The following BFSP1 variants were observed in gnomAD, a reference collection of about 807,000 sequenced individuals.
BFSP1 encodes beaded filament structural protein 1, also known as filensin.
A neutral mutation model predicts 43.9 loss-of-function variants in BFSP1; 38 were observed. The observed-to-expected ratio is 0.87, with a 90% CI of 0.67 to 1.14. The LOEUF (loss-of-function observed/expected upper bound fraction) is 1.14. BFSP1 is among the 50% of genes most tolerant of loss of function. The probability of loss-of-function intolerance (pLI) is 0.00; values close to 1 mark genes in which losing one functional copy is unlikely to be tolerated. For synonymous variants in BFSP1, 352 were observed against 354.8 expected (o/e 0.99, Z 0.09); for missense variants, 850 against 875.1 (o/e 0.97, Z 0.36).
chr20:17,555,288 C>CAAAAAAA (rs929219257), intron 1 of BFSP1, among the ~76,000 whole-genome samples: 2 of 44,102 alleles, frequency 4.5e-5, no homozygotes, highest in East Asian at 6.2e-4. Flanking sequence ...TCCTATCTCA[C>CAAAAAAA]AAAAAAAAAA....
chr20:17,526,734 G>T (rs2034432901), intron 1 of BFSP1, among the ~76,000 whole-genome samples: 1 of 152,108 alleles, frequency 6.6e-6, no homozygotes, highest in Non-Finnish European at 1.5e-5. Context: ...ATTTTTTGAG[G>T]AACTGCCATA....
At chr20:17,539,390 G>A (rs958201287) in intron 1 of BFSP1, among the ~76,000 whole-genome samples, 4 of 151,840 alleles carry the variant, frequency 2.6e-5, no homozygotes, top group African/African-American at 9.7e-5. Context: ...GGGATTACAC[G>A]TGTGAGCCAC....
intron 6 of BFSP1, 121 bp from the exon 7 acceptor site, chr20:17,497,144 T>C: frequency 1.5e-6 from 1 of 674,424 alleles, no homozygotes; most frequent in South Asian, 2.4e-5. Flanking sequence ...ACGAATTAGA[T>C]ATCATTTTAA....
rs771799016 is a variant in BFSP1, at chr20:17,494,180, ATCT to A, written c.1889_1891del (p.Lys630del). ...ATATGTCTGAATGCTCTCCGTGGAAATCTTCTCGATAGATTCCACCACTTCCAC... is the reference window on the plus strand; with the variant it reads ...ATATGTCTGAATGCTCTCCGTGGAAATCTCGATAGATTCCACCACTTCCAC... On this transcript the variant is annotated inframe_deletion, in exon 8 of 8. Coordinates refer to ENST00000377873, the MANE Select transcript of BFSP1 (RefSeq NM_001195.5). 79 of 1,614,146 alleles carry A rather than the reference ATCT, an allele frequency of 4.9e-5. No individual in the cohort carries two copies. In the African/African-American group the frequency reaches 1.0e-3, roughly 21 times the overall value.
At chr20:17,500,464 C>T (rs2269037) in intron 5 of BFSP1, among the ~76,000 whole-genome samples, 31,409 of 152,162 alleles carry the variant, frequency 0.21, 3,707 homozygotes, top group Middle Eastern at 0.3. Flanking sequence ...TGGAGCCATA[C>T]GTTCACTCAC....
At chr20:17,546,891 G>A (rs1468450881) in intron 1 of BFSP1, among the ~76,000 whole-genome samples, 1 of 151,846 alleles carries the variant, frequency 6.6e-6, no homozygotes, top group Non-Finnish European at 1.5e-5. Flanking sequence ...GGGTGTGGTG[G>A]CAGGTACCTG....
intron 5 of BFSP1, among the ~76,000 whole-genome samples, chr20:17,501,375 G>A (rs2033795560): frequency 1.3e-5 from 2 of 152,138 alleles, no homozygotes; most frequent in South Asian, 2.1e-4. Context: ...GACCAGCCTG[G>A]CCAACATGGT....
At chr20:17,506,363 G>A (rs115524430) in intron 5 of BFSP1, among the ~76,000 whole-genome samples, 1,797 of 152,158 alleles carry the variant, frequency 0.012, 33 homozygotes, top group African/African-American at 0.041. Context: ...GCGATGACAC[G>A]GGTGCTGGTG....
chr20:17,498,765 C>A, intron 6 of BFSP1, 55 bp downstream of exon 6: 1 of 1,570,524 alleles, frequency 6.4e-7, no homozygotes, highest in Non-Finnish European at 8.7e-7. Context: ...AATAGGCACT[C>A]AATAAAGAGT....
intron 1 of BFSP1, among the ~76,000 whole-genome samples, chr20:17,551,588 A>C (rs1457185014): frequency 6.6e-6 from 1 of 152,184 alleles, no homozygotes; most frequent in East Asian, 1.9e-4. Context: ...TCACTTGTAC[A>C]TCTACACCAC....
intron 2 of BFSP1, among the ~76,000 whole-genome samples, chr20:17,520,210 G>GCGCCCCCCCCCCCCCCCCCCCCCCC (rs201615265): frequency 7.5e-6 from 1 of 133,356 alleles, no homozygotes; most frequent in African/African-American, 3.0e-5. Flanking sequence ...GTTTTAACGT[G>GCGCCCCCCCCCCCCCCCCCCCCCCC]CCCCCCCACC....
intron 1 of BFSP1, among the ~76,000 whole-genome samples, chr20:17,541,787 C>T (rs2034722776): frequency 6.6e-6 from 1 of 152,170 alleles, no homozygotes; most frequent in Non-Finnish European, 1.5e-5. Flanking sequence ...CTGTGGTCAG[C>T]CTTTGCTGAA....
intron 1 of BFSP1, among the ~76,000 whole-genome samples, chr20:17,550,462 C>CTT (rs66786068): frequency 1.7e-4 from 23 of 131,930 alleles, no homozygotes; most frequent in African/African-American, 4.8e-4. Context: ...GACTATAATC[C>CTT]TTTTTTTTTT....
chr20:17,546,387 A>T (rs2034801456), intron 1 of BFSP1, among the ~76,000 whole-genome samples: 1 of 152,130 alleles, frequency 6.6e-6, no homozygotes, highest in African/African-American at 2.4e-5. Context: ...CTCTCTCAAC[A>T]TGTGGAAATT....
chr20:17,537,534 C>A (rs1257515123), intron 1 of BFSP1, among the ~76,000 whole-genome samples: 1 of 135,382 alleles, frequency 7.4e-6, no homozygotes, highest in Non-Finnish European at 1.5e-5. Context: ...ATCCAACCTG[C>A]TTTTCTCAGG....
intron 5 of BFSP1, among the ~76,000 whole-genome samples, chr20:17,504,322 T>A (rs868171025): frequency 2.0e-5 from 3 of 152,168 alleles, no homozygotes; most frequent in South Asian, 4.1e-4. Context: ...CTCCATAATT[T>A]AAACCTTTCA....
intron 4 of BFSP1, 143 bp downstream of exon 4, chr20:17,511,833 A>G: frequency 1.7e-6 from 1 of 579,630 alleles, no homozygotes; most frequent in East Asian, 2.8e-5. Context: ...AGAAGAAGAA[A>G]CTTCAGATGA....
intron 5 of BFSP1, among the ~76,000 whole-genome samples, chr20:17,505,066 G>A (rs2033901649): frequency 1.3e-5 from 2 of 152,094 alleles, no homozygotes; most frequent in Admixed American, 1.3e-4. Context: ...TTTAAAAAGT[G>A]ACTTTCTTTA....
chr20:17,495,586 T>C (rs1163965807), intron 7 of BFSP1, among the ~76,000 whole-genome samples: 1 of 152,146 alleles, frequency 6.6e-6, no homozygotes, highest in South Asian at 2.1e-4. Flanking sequence ...GCTAGATAAA[T>C]GCCACCCGGC....
Sources: gnomAD v4.1 joint callset for allele counts (sites outside exome capture counted in the v4.1 genomes callset) on GRCh38, gnomAD v4.1.1 for gene constraint, MANE v1.5 for transcripts, NCBI Gene and HGNC (gene_info 2026-07-23, HGNC 2026-07-21) for gene names.